TEKT4: variants seen among roughly 807,000 people sequenced by gnomAD.
The protein encoded by TEKT4 is tektin 4.
TEKT4 carries 46 observed loss-of-function variants against 46.0 expected under a neutral mutation model. The observed-to-expected ratio is 1.00, with a 90% confidence interval of 0.79 to 1.28. The LOEUF (loss-of-function observed/expected upper bound fraction) is 1.28, where lower values mean the gene tolerates loss of function less well. Among genes scored for constraint, TEKT4 ranks in the 50% most tolerant of loss-of-function variants. TEKT4 has a pLI of 0.00. For synonymous variants in TEKT4, 325 were observed against 265.8 expected, an observed-to-expected ratio of 1.22 and a Z score of -2.17; for missense variants, 790 against 622.9, an observed-to-expected ratio of 1.27 and a Z score of -2.85.
At position 94,876,555 on chromosome 2, in the gene TEKT4, T is replaced by C. The variant is rs1474541047; in HGVS notation, c.1094T>C (p.Leu365Pro). The C allele has an allele frequency of 6.2e-6, 10 of 1,605,062 alleles. No homozygotes were observed. In the African/African-American group the frequency reaches 9.4e-5, roughly 15 times the overall value. The change falls in exon 6 of 6, where the codon CTG becomes CCG. Residue 365 changes from leucine to proline, a missense_variant and splice_region_variant. Transcript: ENST00000295201. ...TCACACCCCCCCAACACCCCCAGGCTGTTGAGTGAGGTGGAGGAGCTGAAC... is the reference window on the plus strand; with the variant it reads ...TCACACCCCCCCAACACCCCCAGGCCGTTGAGTGAGGTGGAGGAGCTGAAC... Reference protein sequence around the residue: ...ELCRDAAQFRLLSEVEELNMS... With the variant: ...ELCRDAAQFRPLSEVEELNMS...
chr2:94,874,256 C>T (rs75904558), intron 3 of TEKT4, 148 bp downstream of exon 3: 6 of 818,602 alleles, frequency 7.3e-6, no homozygotes, highest in South Asian at 1.8e-5. Flanking sequence ...CTGGCATGAG[C>T]AAGCGACCAA....
rs573590490 is a variant in TEKT4 at position 94,871,773 on chromosome 2, A to G, written c.194A>G (p.Gln65Arg). ...AFADRDQSER[Q>R]RHESQQLATE... ...GCCGACCGCGACCAGTCGGAGCGGC[A>G]GCGGCACGAGAGCCAGCAGCTGGCC... The change falls in exon 1 of 6, where the codon CAG becomes CGG. Residue 65 changes from glutamine (Q) to arginine (R), a missense_variant. Gln to Arg is a conservative substitution (Grantham distance 43). Transcript: ENST00000295201. 6.2e-7 allele frequency: 1 copy of G among 1,612,286 alleles called. No individual in the cohort carries two copies. The highest frequency in any genetic ancestry group is 1.1e-5 in the South Asian group (1 of 91,048).
chr2:94,875,138 G>T, intron 4 of TEKT4, 140 bp downstream of exon 4: 1 of 931,982 alleles, frequency 1.1e-6, no homozygotes, highest in South Asian at 1.7e-5. Context: ...AAAACCAGGT[G>T]ACACTGGGTA....
rs1680562610 is a variant in TEKT4 at position 94,871,623 on chromosome 2, A to T, written c.44A>T (p.Tyr15Phe). 4 of 1,612,066 alleles carry T rather than the reference A, an allele frequency of 2.5e-6. No individual in the cohort carries two copies. The highest frequency in any genetic ancestry group is 1.3e-5 in the African/African-American group (1 of 74,930). ...VPPCELPCKEYDVARNTGAYT... is the reference protein window; with the variant it reads ...VPPCELPCKEFDVARNTGAYT... ...CCCTGCGAGCTGCCCTGCAAAGAGT[A>T]CGACGTGGCCCGTAACACGGGCGCC... Residue 15 changes from tyrosine (Y) to phenylalanine (F), a missense_variant, in exon 1 of 6, where the codon TAC becomes TTC. Physicochemically the swap from Tyr to Phe is conservative, Grantham distance 22. Coordinates refer to ENST00000295201, the MANE Select transcript of TEKT4 (RefSeq NM_144705.4).
chr2:94,875,206 A>T (rs1454054071), intron 4 of TEKT4, among the ~76,000 whole-genome samples: 1 of 152,150 alleles, frequency 6.6e-6, no homozygotes, highest in Non-Finnish European at 1.5e-5. Context: ...GGGAGGATGG[A>T]GGCAGGAGGT....
intron 4 of TEKT4, 104 bp downstream of exon 4, chr2:94,875,102 A>C: frequency 1.6e-6 from 2 of 1,224,472 alleles, no homozygotes; most frequent in East Asian, 2.6e-5. Context: ...CCCAGAAGCA[A>C]GTGTCTCCTC....
chr2:94,875,490 G>T lies in TEKT4; in HGVS notation c.937-98G>T, dbSNP rs548045740. The T allele has an allele frequency of 6.4e-6, 10 of 1,566,558 alleles. No homozygotes were observed. The South Asian group carries it at 9.8e-5, about 15-fold the overall frequency. On this transcript the variant is annotated intron_variant, in intron 4 of 5. Coordinates refer to ENST00000295201, the MANE Select transcript of TEKT4 (RefSeq NM_144705.4). The stretch of plus-strand genomic sequence containing the variant: ...GGCCACTGGTCAGGACTGCCCTCTG[G>T]ACACAGCCCCAAGACCTGGGTAGGA...
rs200497825 is a variant in TEKT4, at chr2:94,876,539, C to T, written c.1092-14C>T. The T allele has an allele frequency of 1.3e-6, 2 of 1,594,686 alleles. No homozygotes were observed. The highest frequency in any genetic ancestry group is 2.3e-5 in the East Asian group (1 of 43,958). On this transcript the variant is annotated splice_polypyrimidine_tract_variant and intron_variant, in intron 5 of 5. Transcript: ENST00000295201. ...CCTCCCTAGCCCCGGCTCACACCCC[C>T]CCAACACCCCCAGGCTGTTGAGTGA...
At chr2:94,873,862 A>C (rs1307149368) in intron 2 of TEKT4, 103 bp from the exon 3 acceptor site, 2 of 1,503,184 alleles carry the variant, frequency 1.3e-6, no homozygotes, top group African/African-American at 2.8e-5. Context: ...CCCACCCAGA[A>C]CTCCCTCCTG....
At chr2:94,874,584 A>T (rs1680743686) in intron 3 of TEKT4, among the ~76,000 whole-genome samples, 192 bp from the exon 4 acceptor site, 1 of 150,728 alleles carries the variant, frequency 6.6e-6, no homozygotes, top group South Asian at 2.1e-4. Context: ...GGACTCAGAG[A>T]AGTTGTGGCC....
chr2:94,876,281 A>G (rs1680849842), intron 5 of TEKT4, among the ~76,000 whole-genome samples: 1 of 152,156 alleles, frequency 6.6e-6, no homozygotes. Context: ...TCAGGAATGG[A>G]AAGAACTGAG....
chr2:94,873,036 A>C lies in TEKT4; in HGVS notation c.499-484A>C, dbSNP rs781910049. On this transcript the variant is annotated intron_variant, in intron 1 of 5. Coordinates refer to ENST00000295201, the MANE Select transcript of TEKT4 (RefSeq NM_144705.4). ...TCACAGAGAAAAGGCTTGTTCCTAC[A>C]CACAGCAAATTAAACTGGCCAGGCA... 1.2e-5 allele frequency: 16 copies of C among 1,286,648 alleles called. No individual in the cohort carries two copies. The South Asian group carries it at 2.0e-4, about 16-fold the overall frequency. 79.7% of individuals were successfully genotyped at this position (1,286,648 alleles called of 1,614,324 possible).
chr2:94,873,153 T>C, intron 1 of TEKT4: 1 of 1,231,070 alleles, frequency 8.1e-7, no homozygotes, highest in Non-Finnish European at 1.0e-6. Context: ...GGCGGGCATC[T>C]GGGCCCCCAG....
Position 94,873,608 on chromosome 2 carries a change from C to G in TEKT4, c.569+18C>G, listed in dbSNP as rs782166302. 6.2e-7 allele frequency: 1 copy of G among 1,613,492 alleles called. No homozygotes were observed. The highest frequency in any genetic ancestry group is 1.1e-5 in the South Asian group (1 of 91,040). ...CAGATCCGGTGGGTAGAGGGCTGCCCAAGGGATGATTCCTGACCCTACCCA... is the reference window on the plus strand; with the variant it reads ...CAGATCCGGTGGGTAGAGGGCTGCCGAAGGGATGATTCCTGACCCTACCCA... On this transcript the variant is annotated intron_variant, in intron 2 of 5. Coordinates refer to ENST00000295201, the MANE Select transcript of TEKT4 (RefSeq NM_144705.4).
intron 4 of TEKT4, 84 bp from the exon 5 acceptor site, chr2:94,875,504 A>C: frequency 1.3e-6 from 2 of 1,580,764 alleles, no homozygotes; most frequent in Non-Finnish European, 1.7e-6. Flanking sequence ...CAGCCCCAAG[A>C]CCTGGGTAGG....
chr2:94,871,816 G>T lies in TEKT4; in HGVS notation c.237G>T (p.Leu79=). 6.2e-7 allele frequency: 1 copy of T among 1,609,464 alleles called. No individual in the cohort carries two copies. The highest frequency in any genetic ancestry group is 8.5e-7 in the Non-Finnish European group (1 of 1,178,218). ...AGCTGGCCACAGAGACCCAGGCGCTGGCGCAGCGCACGCAGCAAGACTCCA... is the reference window on the plus strand; with the variant it reads ...AGCTGGCCACAGAGACCCAGGCGCTTGCGCAGCGCACGCAGCAAGACTCCA... The part of the protein sequence containing the change: ...SQQLATETQA[L]AQRTQQDSTR... The change falls in exon 1 of 6, where the codon CTG becomes CTT. Residue 79 remains leucine, a synonymous_variant. Coordinates refer to ENST00000295201, the MANE Select transcript of TEKT4 (RefSeq NM_144705.4).
rs372239927 is a variant in TEKT4 at position 94,876,732 on chromosome 2, G to A, written c.1271G>A (p.Arg424His). The change falls in exon 6 of 6, where the codon CGC becomes CAC. Residue 424 changes from arginine (R) to histidine (H), a missense_variant. By Grantham distance (29) the Arg-to-His change is conservative. Coordinates refer to ENST00000295201, the MANE Select transcript of TEKT4 (RefSeq NM_144705.4). ...CAGAAGTGCATGGCCCATCGTACTC[G>A]CTACCCCACCATCCTGCAGCTGGCT... ...DRQKCMAHRT[R>H]YPTILQLAGY... The A allele has an allele frequency of 6.3e-5, 102 of 1,610,088 alleles. No individual in the cohort carries two copies. Among genetic ancestry groups the A allele is most frequent in the Admixed American group, 2.8e-4 (17 of 60,000 alleles).
At position 94,871,691 on chromosome 2, in the gene TEKT4, A is replaced by G; in HGVS notation, c.112A>G (p.Lys38Glu). ...GLATASFRTS[K>E]YLLEEWFQNC... ...GGCCACCGCCAGCTTCCGCACCTCC[A>G]AGTACCTGCTGGAGGAGTGGTTCCA... Residue 38 changes from lysine (K) to glutamate (E), a missense_variant, in exon 1 of 6, where the codon AAG becomes GAG. Physicochemically the swap from Lys to Glu is moderately conservative, Grantham distance 56 (BLOSUM62 1). Transcript: ENST00000295201. 1 of 1,612,578 alleles carries G rather than the reference A, an allele frequency of 6.2e-7. No homozygotes were observed. The highest frequency in any genetic ancestry group is 8.5e-7 in the Non-Finnish European group (1 of 1,179,910).
At chr2:94,872,232 A>G in intron 1 of TEKT4, 155 bp downstream of exon 1, 2 of 981,812 alleles carry the variant, frequency 2.0e-6, no homozygotes, top group Non-Finnish European at 2.9e-6. Flanking sequence ...CTGGCCCCTT[A>G]GTGACAGGAG....
Sources: gnomAD v4.1 joint callset for allele counts (sites outside exome capture counted in the v4.1 genomes callset) on GRCh38, gnomAD v4.1.1 for gene constraint, MANE v1.5 for transcripts, NCBI Gene and HGNC (gene_info 2026-07-23, HGNC 2026-07-21) for gene names.